Variants in PTCHD4 observed in about 807,000 individuals in gnomAD.
PTCHD4 encodes patched domain-containing protein 4.
Under a neutral mutation model 58.1 loss-of-function variants are expected in PTCHD4, and 33 were observed. That is an observed-to-expected ratio of 0.57 (90% CI 0.43 to 0.76). PTCHD4 has a LOEUF of 0.76. Ranked by LOEUF, PTCHD4 falls within the 30% of genes least tolerant of loss-of-function variation. The pLI is 0.00. For synonymous variants in PTCHD4, 478 were observed against 409.6 expected (o/e 1.17, Z -2.02); for missense variants, 1,058 against 1,027.1 (o/e 1.03, Z -0.41).
Position 47,867,830 on chromosome 6 carries a change from A to G in PTCHD4, c.*10473T>C, listed in dbSNP as rs1763611197. Among the ~76,000 whole-genome samples, 1 of 151,768 alleles carries G rather than the reference A, an allele frequency of 6.6e-6. No homozygotes were observed. The highest frequency in any genetic ancestry group is 2.4e-5 in the African/African-American group (1 of 41,380). On this transcript the variant is annotated 3_prime_UTR_variant, in exon 5 of 5. Coordinates refer to ENST00000339488, the MANE Select transcript of PTCHD4 (RefSeq NM_001384253.1). Reference sequence around the variant, plus strand: ...GCATACCTCAAAGTCAGGAACTATGAATAGTTTAGTGGTATTTTCTTCTGA... The same window carrying G: ...GCATACCTCAAAGTCAGGAACTATGGATAGTTTAGTGGTATTTTCTTCTGA...
At chr6:47,966,355 T>A (rs1399838771) in intron 4 of PTCHD4, among the ~76,000 whole-genome samples, 8 of 152,202 alleles carry the variant, frequency 5.3e-5, no homozygotes. Context: ...TAATTAAAAA[T>A]ATTTTTTGGT....
chr6:48,040,864 C>T (rs923675726), intron 3 of PTCHD4, among the ~76,000 whole-genome samples: 13 of 152,060 alleles, frequency 8.5e-5, no homozygotes, highest in Non-Finnish European at 1.6e-4. Context: ...ACCCATCACA[C>T]TGCCTCAGTG....
At chr6:47,953,406 C>A (rs1008490022) in intron 4 of PTCHD4, among the ~76,000 whole-genome samples, 1 of 152,100 alleles carries the variant, frequency 6.6e-6, no homozygotes, top group African/African-American at 2.4e-5. Flanking sequence ...ATCAAGATGT[C>A]ATCTTTGTAC....
chr6:47,985,716 T>C (rs1226139607), intron 4 of PTCHD4, among the ~76,000 whole-genome samples: 1 of 150,952 alleles, frequency 6.6e-6, no homozygotes, highest in Non-Finnish European at 1.5e-5. Flanking sequence ...AGAAAGGTTG[T>C]CATTTCAGCA....
intron 4 of PTCHD4, among the ~76,000 whole-genome samples, chr6:47,927,781 C>CATT (rs916795215): frequency 1.0e-4 from 15 of 150,212 alleles, no homozygotes; most frequent in African/African-American, 2.0e-4. Flanking sequence ...TTTATTTTTT[C>CATT]ATTATTATTA....
intron 1 of PTCHD4, among the ~76,000 whole-genome samples, chr6:48,102,999 C>A (rs1002833647): frequency 6.6e-6 from 1 of 152,222 alleles, no homozygotes; most frequent in Non-Finnish European, 1.5e-5. Flanking sequence ...AAGGGGCCTG[C>A]CTGCCTCTGT....
intron 4 of PTCHD4, among the ~76,000 whole-genome samples, chr6:47,982,481 C>CTTTTTTTTTT (rs375869071): frequency 4.6e-5 from 6 of 130,786 alleles, no homozygotes; most frequent in African/African-American, 5.7e-5. Context: ...TTATCTCTCT[C>CTTTTTTTTTT]TTTTTTTTTT....
intron 4 of PTCHD4, among the ~76,000 whole-genome samples, chr6:47,884,059 A>C (rs940565130): frequency 2.2e-4 from 34 of 151,380 alleles, no homozygotes; most frequent in African/African-American, 8.0e-4. Context: ...TATTCCAGTC[A>C]TTTGTTTATT....
At chr6:48,090,372 A>G (rs900734901) in intron 1 of PTCHD4, among the ~76,000 whole-genome samples, 13 of 152,230 alleles carry the variant, frequency 8.5e-5, no homozygotes, top group African/African-American at 3.1e-4. Flanking sequence ...GCCCCTCCAT[A>G]GTAAATAGCT....
chr6:47,890,120 A>C (rs1416057836), intron 4 of PTCHD4, among the ~76,000 whole-genome samples: 2 of 151,848 alleles, frequency 1.3e-5, no homozygotes, highest in Non-Finnish European at 2.9e-5. Flanking sequence ...ATATATGCAT[A>C]TATAGTATAT....
intron 3 of PTCHD4, among the ~76,000 whole-genome samples, chr6:48,032,061 C>T (rs998473570): frequency 3.5e-5 from 2 of 57,264 alleles, no homozygotes; most frequent in African/African-American, 1.2e-4. Context: ...GGCTATTCTC[C>T]ACAAACCCCA....
At chr6:47,988,965 A>G (rs1222138805) in intron 4 of PTCHD4, among the ~76,000 whole-genome samples, 1 of 152,228 alleles carries the variant, frequency 6.6e-6, no homozygotes, top group Non-Finnish European at 1.5e-5. Context: ...AGATAGGGAA[A>G]TGTGGGAAAG....
chr6:48,079,800 T>A (rs1053460410), intron 1 of PTCHD4, among the ~76,000 whole-genome samples: 3 of 151,926 alleles, frequency 2.0e-5, no homozygotes, highest in African/African-American at 7.3e-5. Flanking sequence ...ATGGCAACCC[T>A]TCATATACCA....
intron 4 of PTCHD4, among the ~76,000 whole-genome samples, chr6:47,952,913 A>G (rs1258986976): frequency 6.6e-6 from 1 of 151,182 alleles, no homozygotes; most frequent in Non-Finnish European, 1.5e-5. Flanking sequence ...ACACATACAC[A>G]TAGAGTAGAA....
intron 4 of PTCHD4, among the ~76,000 whole-genome samples, chr6:47,895,065 A>G (rs1302921457): frequency 6.6e-6 from 1 of 152,026 alleles, no homozygotes; most frequent in Non-Finnish European, 1.5e-5. Context: ...AACCCATGAG[A>G]TGGAGGTTGC....
At chr6:48,078,485 C>A (rs1367092945) in intron 1 of PTCHD4, among the ~76,000 whole-genome samples, 1 of 152,198 alleles carries the variant, frequency 6.6e-6, no homozygotes, top group African/African-American at 2.4e-5. Flanking sequence ...AGATGACATG[C>A]TGCTTTGTGC....
chr6:48,031,689 T>G (rs1398087708), intron 3 of PTCHD4, among the ~76,000 whole-genome samples: 1 of 152,072 alleles, frequency 6.6e-6, no homozygotes. Flanking sequence ...ACCTCTTGTA[T>G]AGTCTCCATT....
At chr6:48,027,755 T>C (rs1763297339) in intron 3 of PTCHD4, among the ~76,000 whole-genome samples, 1 of 152,140 alleles carries the variant, frequency 6.6e-6, no homozygotes, top group South Asian at 2.1e-4. Context: ...ATGAGAAACC[T>C]GCAATGTTAT....
chr6:48,091,192 T>A (rs1055433205), intron 1 of PTCHD4, among the ~76,000 whole-genome samples: 11 of 152,090 alleles, frequency 7.2e-5, no homozygotes, highest in Non-Finnish European at 1.5e-4. Flanking sequence ...ACCTTTTAAA[T>A]TTTTTATGGC....
Sources: gnomAD v4.1 joint callset for allele counts (sites outside exome capture counted in the v4.1 genomes callset) on GRCh38, gnomAD v4.1.1 for gene constraint, MANE v1.5 for transcripts, NCBI Gene and HGNC (gene_info 2026-07-23, HGNC 2026-07-21) for gene names.